ASB7: variants seen among roughly 807,000 people sequenced by gnomAD.
The protein encoded by ASB7 is ankyrin repeat and SOCS box containing 7, also known as ankyrin repeat and SOCS box protein 7.
Under a neutral mutation model 32.5 loss-of-function variants are expected in ASB7, and 4 were observed. The ratio of observed to expected loss-of-function variants is 0.12; its 90% confidence interval spans 0.06 to 0.28. ASB7 has a LOEUF of 0.28. ASB7 is among the 10% of genes least tolerant of loss of function. ASB7 has a pLI of 1.00. For synonymous variants in ASB7, 172 were observed against 155.6 expected, an observed-to-expected ratio of 1.11 and a Z score of -0.78; for missense variants, 181 against 407.1, an observed-to-expected ratio of 0.44 and a Z score of 4.78.
intron 4 of ASB7, among the ~76,000 whole-genome samples, chr15:100,617,904 A>G (rs1004451448): frequency 1.3e-4 from 20 of 152,272 alleles, no homozygotes; most frequent in African/African-American, 4.1e-4. Context: ...TTATCAAAAA[A>G]TACTGGAAAT....
chr15:100,633,326 T>C (rs1234314372), intron 5 of ASB7, among the ~76,000 whole-genome samples: 17 of 151,974 alleles, frequency 1.1e-4, no homozygotes, highest in Non-Finnish European at 4.4e-5. Context: ...CCTGTAATCC[T>C]AGCACTTTGG....
intron 4 of ASB7, among the ~76,000 whole-genome samples, chr15:100,620,773 C>T (rs1298925614): frequency 6.6e-6 from 1 of 152,162 alleles, no homozygotes; most frequent in East Asian, 1.9e-4. Context: ...ACTCCAAGAC[C>T]ATGCTGGACA....
chr15:100,612,247 G>A lies in ASB7; in HGVS notation c.31G>A (p.Glu11Lys). The A allele has an allele frequency of 6.2e-7, 1 of 1,614,086 alleles. No homozygotes were observed. The highest frequency in any genetic ancestry group is 8.5e-7 in the Non-Finnish European group (1 of 1,179,966). Reference protein sequence around the residue: MLHHHCRRNPELQEELQIQAA... With the variant: MLHHHCRRNPKLQEELQIQAA... The stretch of plus-strand genomic sequence containing the variant: ...ACACCATCATTGTCGAAGGAACCCT[G>A]AGCTCCAGGAAGAGTTGCAGATTCA... Residue 11 changes from glutamate (E) to lysine (K), a missense_variant, in exon 4 of 6, where the codon GAG (glutamate) becomes AAG (lysine). Glu to Lys is a moderately conservative substitution (Grantham distance 56, BLOSUM62 1). Transcript: ENST00000332783.
intron 4 of ASB7, among the ~76,000 whole-genome samples, chr15:100,626,418 C>T (rs1355886575): frequency 1.3e-5 from 2 of 152,156 alleles, no homozygotes; most frequent in South Asian, 2.1e-4. Flanking sequence ...GATTTTACCT[C>T]TCTAGAATGA....
chr15:100,623,141 G>A (rs1369563787), intron 4 of ASB7, among the ~76,000 whole-genome samples: 1 of 152,210 alleles, frequency 6.6e-6, no homozygotes, highest in African/African-American at 2.4e-5. Context: ...GCTCACACCT[G>A]TAATCCCAGC....
intron 5 of ASB7, among the ~76,000 whole-genome samples, chr15:100,631,657 C>G (rs1208786157): frequency 1.3e-5 from 2 of 152,168 alleles, no homozygotes; most frequent in African/African-American, 4.8e-5. Flanking sequence ...TAGAGCTAGA[C>G]TGCAAGAGTT....
intron 4 of ASB7, among the ~76,000 whole-genome samples, chr15:100,625,967 A>G (rs1471883270): frequency 1.3e-5 from 2 of 152,222 alleles, no homozygotes; most frequent in Non-Finnish European, 2.9e-5. Flanking sequence ...TGTGGGGAGT[A>G]CTGAACCTTG....
At chr15:100,638,488 A>G (rs1336483513) in intron 5 of ASB7, 3 of 152,040 alleles carry the variant, frequency 2.0e-5, no homozygotes, top group African/African-American at 7.3e-5. Context: ...TCTCCCGGAT[A>G]CTCTGGAGTC....
chr15:100,637,542 T>C (rs186676378), intron 5 of ASB7, among the ~76,000 whole-genome samples: 13 of 152,330 alleles, frequency 8.5e-5, no homozygotes, highest in African/African-American at 3.1e-4. Flanking sequence ...AAATGACTAA[T>C]GCGTAATGTG....
intron 4 of ASB7, among the ~76,000 whole-genome samples, chr15:100,625,317 T>C (rs940180244): frequency 6.6e-6 from 1 of 152,184 alleles, no homozygotes; most frequent in South Asian, 2.1e-4. Flanking sequence ...TAATTGTGCA[T>C]GTAGACCCTG....
At chr15:100,644,918 T>A (rs1157311276) in intron 5 of ASB7, among the ~76,000 whole-genome samples, 1 of 152,238 alleles carries the variant, frequency 6.6e-6, no homozygotes, top group Non-Finnish European at 1.5e-5. Flanking sequence ...AAGAAAGCTG[T>A]CACTTCTGCT....
At chr15:100,603,512 A>G (rs984010864) in intron 2 of ASB7, among the ~76,000 whole-genome samples, 199 bp downstream of exon 2, 11 of 147,582 alleles carry the variant, frequency 7.5e-5, no homozygotes, top group Non-Finnish European at 1.3e-4. Flanking sequence ...CCAGGACAGT[A>G]TTTTCCCACT....
chr15:100,627,916 G>A (rs1016959534), intron 4 of ASB7, among the ~76,000 whole-genome samples: 2 of 152,194 alleles, frequency 1.3e-5, no homozygotes, highest in African/African-American at 4.8e-5. Flanking sequence ...CCTGGAACCG[G>A]CTTGAGTGAC....
chr15:100,646,980 C>T (rs1277841227), intron 5 of ASB7, among the ~76,000 whole-genome samples: 2 of 151,710 alleles, frequency 1.3e-5, no homozygotes, highest in African/African-American at 2.4e-5. Context: ...ATCTATTAAA[C>T]CATACATTAA....
intron 5 of ASB7, among the ~76,000 whole-genome samples, chr15:100,639,985 T>A (rs2039949607): frequency 6.6e-6 from 1 of 152,198 alleles, no homozygotes; most frequent in African/African-American, 2.4e-5. Flanking sequence ...TGGGATTCTA[T>A]CTAAGAGAAT....
intron 4 of ASB7, among the ~76,000 whole-genome samples, chr15:100,617,661 T>G (rs894028239): frequency 1.3e-5 from 2 of 152,364 alleles, no homozygotes; most frequent in South Asian, 4.1e-4. Context: ...ATGTTATCCC[T>G]CTGTTATATG....
intron 3 of ASB7, 113 bp from the exon 4 acceptor site, chr15:100,612,053 T>C (rs1328729205): frequency 4.5e-6 from 3 of 665,608 alleles, no homozygotes; most frequent in Non-Finnish European, 5.2e-6. Context: ...GTATGCACTG[T>C]CATTAGTAAG....
At chr15:100,628,971 G>A (rs2039863718) in intron 4 of ASB7, among the ~76,000 whole-genome samples, 1 of 152,092 alleles carries the variant, frequency 6.6e-6, no homozygotes, top group Non-Finnish European at 1.5e-5. Flanking sequence ...AAAACAACAC[G>A]GTGTGCCAGA....
chr15:100,626,017 A>G (rs936073629), intron 4 of ASB7, among the ~76,000 whole-genome samples: 2 of 152,196 alleles, frequency 1.3e-5, no homozygotes, highest in African/African-American at 4.8e-5. Context: ...ATTATGGGCT[A>G]TTGATCTAAA....
Sources: allele counts gnomAD v4.1 joint callset (sites outside exome capture counted in the v4.1 genomes callset), GRCh38; gene constraint gnomAD v4.1.1; transcripts MANE v1.5; gene names NCBI Gene and HGNC (gene_info 2026-07-23, HGNC 2026-07-21).